Variants in PRKN observed in about 807,000 individuals in gnomAD.
PRKN encodes E3 ubiquitin-protein ligase parkin.
Under a neutral mutation model 59.5 loss-of-function variants are expected in PRKN, and 56 were observed. The ratio of observed to expected loss-of-function variants is 0.94; its 90% CI spans 0.76 to 1.18. PRKN has a LOEUF of 1.18. Among genes scored for constraint, PRKN ranks in the 50% most tolerant of loss-of-function variants. The probability of loss-of-function intolerance (pLI) is 0.00; values close to 1 mark genes in which losing one functional copy is unlikely to be tolerated. For missense variants in PRKN, 657 were observed against 596.4 expected (o/e 1.10, Z -1.06); for synonymous variants, 250 against 222.1 (o/e 1.13, Z -1.12).
chr6:162,330,604 C>G (rs1240047398), intron 2 of PRKN, among the ~76,000 whole-genome samples: 6 of 152,294 alleles, frequency 3.9e-5, no homozygotes, highest in Admixed American at 1.3e-4. Context: ...GTGTTTTGTA[C>G]AAGCAGATGG....
chr6:162,402,732 CGAAGCCT>C (rs1210301809), intron 2 of PRKN, among the ~76,000 whole-genome samples: 1 of 151,282 alleles, frequency 6.6e-6, no homozygotes, highest in East Asian at 1.9e-4. Context: ...CACAGCTCAC[CGAAGCCT>C]GAAGCCTCAA....
intron 2 of PRKN, among the ~76,000 whole-genome samples, chr6:162,380,120 G>A (rs1202972311): frequency 2.0e-5 from 3 of 151,868 alleles, no homozygotes; most frequent in African/African-American, 4.8e-5. Flanking sequence ...GTACTTTATC[G>A]AGTACCTTCC....
rs146225263 is a variant in PRKN, at chr6:162,067,873, T to C, written c.535-13699A>G. 2.6e-5 allele frequency among the ~76,000 whole-genome samples: 4 copies of C among 152,334 alleles called. No individual in the cohort carries two copies. The East Asian group carries it at 7.7e-4, about 29-fold the overall frequency. ...AAAGTCCATTTATCATAAAAGTATT[T>C]GTTGTTTTGTTCACTTTTCAGACAC... On this transcript the variant is annotated intron_variant, in intron 4 of 11. Coordinates refer to ENST00000366898, the MANE Select transcript of PRKN (RefSeq NM_004562.3).
At chr6:162,574,323 C>T (rs186567193) in intron 1 of PRKN, among the ~76,000 whole-genome samples, 1 of 152,100 alleles carries the variant, frequency 6.6e-6, no homozygotes, top group African/African-American at 2.4e-5. Context: ...AGGAAACAGG[C>T]TTCTGTAGTT....
chr6:162,507,271 TA>T (rs895887783), intron 1 of PRKN, among the ~76,000 whole-genome samples: 1 of 152,098 alleles, frequency 6.6e-6, no homozygotes, highest in Non-Finnish European at 1.5e-5. Flanking sequence ...GAAGCCAGAG[TA>T]ACTTCTTTGA....
In PRKN at chr6:162,654,845, T is replaced by G. The variant is rs1362466540; in HGVS notation, c.7+72817A>C. Among the ~76,000 whole-genome samples the G allele has an allele frequency of 5.3e-5, 8 of 151,812 alleles. No individual in the cohort carries two copies. The South Asian group carries it at 1.7e-3, about 32-fold the overall frequency. On this transcript the variant is annotated intron_variant, in intron 1 of 11. Transcript: ENST00000366898. ...CAGCAAGGAGAAGTGCAGAGTGAAGTGGGGGGGGAAATCCCCCTATAAAAC... is the reference window on the plus strand; with the variant it reads ...CAGCAAGGAGAAGTGCAGAGTGAAGGGGGGGGGGAAATCCCCCTATAAAAC...
chr6:162,362,952 T>C (rs896400310), intron 2 of PRKN, among the ~76,000 whole-genome samples: 1 of 150,674 alleles, frequency 6.6e-6, no homozygotes, highest in Non-Finnish European at 1.5e-5. Context: ...CACGGTGAAA[T>C]CCTGTCTCTA....
intron 7 of PRKN, among the ~76,000 whole-genome samples, chr6:161,781,347 A>T (rs565129633): frequency 6.6e-6 from 1 of 152,322 alleles, no homozygotes; most frequent in East Asian, 1.9e-4. Flanking sequence ...GTGTAGAAGG[A>T]TTCCAAAGAA....
chr6:162,384,658 A>C (rs1030668825), intron 2 of PRKN, among the ~76,000 whole-genome samples: 32 of 143,850 alleles, frequency 2.2e-4, no homozygotes, highest in East Asian at 1.4e-3. Context: ...AAAAAAAAAA[A>C]AAAACAAAAA....
chr6:162,146,193 AGCAAACATAT>A (rs1782018526), intron 4 of PRKN, among the ~76,000 whole-genome samples: 1 of 152,156 alleles, frequency 6.6e-6, no homozygotes, highest in African/African-American at 2.4e-5. Flanking sequence ...GTAGCCATCC[AGCAAACATAT>A]GCTAAAGATA....
chr6:162,577,797 T>C (rs1185404772), intron 1 of PRKN, among the ~76,000 whole-genome samples: 1 of 151,862 alleles, frequency 6.6e-6, no homozygotes, highest in Non-Finnish European at 1.5e-5. Flanking sequence ...GGCAAGATGG[T>C]GCATGCCTGT....
intron 9 of PRKN, among the ~76,000 whole-genome samples, chr6:161,465,103 C>T (rs898643287): frequency 4.6e-5 from 7 of 152,188 alleles, no homozygotes; most frequent in African/African-American, 1.2e-4. Flanking sequence ...AAAGTCGCAG[C>T]GACAGAGACA....
chr6:162,115,084 T>C (rs1356063624), intron 4 of PRKN, among the ~76,000 whole-genome samples: 3 of 151,914 alleles, frequency 2.0e-5, no homozygotes, highest in Non-Finnish European at 4.4e-5. Context: ...AGCAAAAACT[T>C]GGAACCAACC....
In PRKN at chr6:161,578,490, T is replaced by C. The variant is rs1044639377; in HGVS notation, c.872-9074A>G. On this transcript the variant is annotated intron_variant, in intron 7 of 11. Transcript: ENST00000366898. This position sits in a 1 kb window ranked among gnomAD's most constrained non-coding sequence, Gnocchi z 4.2. Reference sequence around the variant, plus strand: ...CTTGTATAAGACAACAGTTTCCTTATGAAGGCTTCCTTAGGACTTTGTCTC... The same window carrying C: ...CTTGTATAAGACAACAGTTTCCTTACGAAGGCTTCCTTAGGACTTTGTCTC... Among the ~76,000 whole-genome samples the C allele has an allele frequency of 2.6e-5, 4 of 152,250 alleles. No homozygotes were observed. Among genetic ancestry groups the C allele is most frequent in the Non-Finnish European group, 4.4e-5 (3 of 68,032 alleles).
At position 162,395,245 on chromosome 6, in the gene PRKN, A is replaced by T. The variant is rs559282666; in HGVS notation, c.171+48065T>A. Among the ~76,000 whole-genome samples the T allele has an allele frequency of 4.6e-5, 7 of 152,326 alleles. No individual in the cohort carries two copies. The East Asian group carries it at 7.7e-4, about 17-fold the overall frequency. On this transcript the variant is annotated intron_variant, in intron 2 of 11. Coordinates refer to ENST00000366898, the MANE Select transcript of PRKN (RefSeq NM_004562.3). ...GTGATCAATACAATATAACAGCAGT[A>T]ACAATATGTGCTAGATTATATAAAG...
chr6:161,885,430 C>G (rs537101464), intron 6 of PRKN, among the ~76,000 whole-genome samples: 3 of 151,972 alleles, frequency 2.0e-5, no homozygotes, highest in Non-Finnish European at 4.4e-5. Context: ...TTTGGGAGGC[C>G]GAGGCGGGCA....
At chr6:161,979,019 C>T (rs1781160257) in intron 5 of PRKN, among the ~76,000 whole-genome samples, 1 of 152,122 alleles carries the variant, frequency 6.6e-6, no homozygotes, top group African/African-American at 2.4e-5. Flanking sequence ...GATAAATCAG[C>T]TACAGAAAGA....
chr6:161,558,745 C>A (rs76093624), intron 8 of PRKN, among the ~76,000 whole-genome samples: 1 of 151,878 alleles, frequency 6.6e-6, no homozygotes, highest in African/African-American at 2.4e-5. Context: ...ATTTTCTATA[C>A]GCATTAGAAA....
At chr6:162,202,872 A>C (rs1172491364) in intron 3 of PRKN, among the ~76,000 whole-genome samples, 1 of 152,222 alleles carries the variant, frequency 6.6e-6, no homozygotes, top group African/African-American at 2.4e-5. Flanking sequence ...TAGAAGAAGA[A>C]GTGCTTAGAA....
Sources: allele counts gnomAD v4.1 joint callset (sites outside exome capture counted in the v4.1 genomes callset), GRCh38; gene constraint gnomAD v4.1.1; non-coding constraint Gnocchi (gnomAD v3.1); transcripts MANE v1.5; gene names NCBI Gene and HGNC (gene_info 2026-07-23, HGNC 2026-07-21).